TMEM132C: variants seen among roughly 807,000 people sequenced by gnomAD.
The protein encoded by TMEM132C is transmembrane protein 132C.
Under a neutral mutation model 61.4 loss-of-function variants are expected in TMEM132C, and 29 were observed. The observed-to-expected ratio is 0.47, with a 90% confidence interval of 0.35 to 0.64. The LOEUF (loss-of-function observed/expected upper bound fraction) is 0.64. TMEM132C is among the 30% of genes least tolerant of loss of function. The probability of loss-of-function intolerance (pLI) is 0.00; values close to 1 mark genes in which losing one functional copy is unlikely to be tolerated. For synonymous variants in TMEM132C, 656 were observed against 633.1 expected (o/e 1.04, Z -0.54); for missense variants, 1,408 against 1,476.9 (o/e 0.95, Z 0.76).
chr12:128,393,107 A>G lies in TMEM132C; in HGVS notation c.86-21625A>G, dbSNP rs190518436. 9.8e-5 allele frequency among the ~76,000 whole-genome samples: 15 copies of G among 152,340 alleles called. No homozygotes were observed. In the East Asian group the frequency reaches 2.3e-3, roughly 23 times the overall value. On this transcript the variant is annotated intron_variant, in intron 1 of 8. Transcript: ENST00000435159. ...CCTATCATGGCATGCAACTTGTCCT[A>G]AGCATCATTGCTTTAAAATAGTGCT...
At chr12:128,533,253 T>C (rs1873384665) in intron 2 of TMEM132C, among the ~76,000 whole-genome samples, 1 of 152,146 alleles carries the variant, frequency 6.6e-6, no homozygotes. Flanking sequence ...GTTGGTTAGC[T>C]CAGTGCAATG....
intron 4 of TMEM132C, among the ~76,000 whole-genome samples, chr12:128,657,150 G>A (rs1358846861): frequency 2.0e-5 from 3 of 152,064 alleles, no homozygotes; most frequent in Admixed American, 1.3e-4. Flanking sequence ...CCCCTCCTCC[G>A]TGATTTTGGC....
chr12:128,294,380 G>A (rs1220988987), intron 1 of TMEM132C, among the ~76,000 whole-genome samples: 1 of 152,298 alleles, frequency 6.6e-6, no homozygotes, highest in East Asian at 1.9e-4. Context: ...GACTCACACA[G>A]CAAGGTGGCC....
At chr12:128,701,852 G>A (rs545599216) in intron 8 of TMEM132C, among the ~76,000 whole-genome samples, 68 of 151,248 alleles carry the variant, frequency 4.5e-4, no homozygotes, top group Middle Eastern at 3.5e-3. Context: ...GAAATTCTAC[G>A]TGGCTCTTTG....
intron 2 of TMEM132C, among the ~76,000 whole-genome samples, chr12:128,442,202 T>C (rs1431001953): frequency 6.6e-6 from 1 of 152,094 alleles, no homozygotes; most frequent in East Asian, 1.9e-4. Flanking sequence ...CATCACTTGC[T>C]CCCTCCCCTC....
chr12:128,362,793 G>A (rs1019258586), intron 1 of TMEM132C, among the ~76,000 whole-genome samples: 11 of 152,206 alleles, frequency 7.2e-5, no homozygotes, highest in Non-Finnish European at 1.5e-4. Context: ...AAACAGTGCA[G>A]TGTTTTATGA....
chr12:128,377,459 T>G (rs1191518442), intron 1 of TMEM132C, among the ~76,000 whole-genome samples: 1 of 152,156 alleles, frequency 6.6e-6, no homozygotes, highest in Admixed American at 6.5e-5. Flanking sequence ...CACTGTCAGG[T>G]GGTGTTTTTC....
intron 2 of TMEM132C, among the ~76,000 whole-genome samples, chr12:128,445,065 G>T (rs1869931044): frequency 6.6e-6 from 1 of 152,130 alleles, no homozygotes; most frequent in African/African-American, 2.4e-5. Context: ...GAGTTAACCT[G>T]TATCTGGAAA....
intron 1 of TMEM132C, among the ~76,000 whole-genome samples, chr12:128,306,491 C>T (rs960411711): frequency 5.9e-5 from 9 of 152,146 alleles, no homozygotes; most frequent in Non-Finnish European, 1.2e-4. Context: ...CGTGAGCCAC[C>T]GCACCTGGCC....
At chr12:128,562,804 G>T (rs1874570649) in intron 3 of TMEM132C, among the ~76,000 whole-genome samples, 1 of 152,208 alleles carries the variant, frequency 6.6e-6, no homozygotes, top group African/African-American at 2.4e-5. Flanking sequence ...CAAATCCCTG[G>T]TTCATCAAGA....
intron 3 of TMEM132C, among the ~76,000 whole-genome samples, chr12:128,585,058 G>A (rs181444506): frequency 1.2e-4 from 18 of 152,338 alleles, no homozygotes; most frequent in Admixed American, 3.3e-4. Context: ...TGCTTCACTG[G>A]GGGCTACAAT....
At chr12:128,309,067 C>T (rs1871883582) in intron 1 of TMEM132C, among the ~76,000 whole-genome samples, 1 of 152,004 alleles carries the variant, frequency 6.6e-6, no homozygotes, top group African/African-American at 2.4e-5. Flanking sequence ...GGGTGGGGAT[C>T]AAGGTCCTCA....
At chr12:128,373,353 T>A (rs1178049236) in intron 1 of TMEM132C, among the ~76,000 whole-genome samples, 1 of 152,146 alleles carries the variant, frequency 6.6e-6, no homozygotes, top group Non-Finnish European at 1.5e-5. Flanking sequence ...TTGGCCAGAA[T>A]TGGATTGCCT....
At chr12:128,620,968 T>C (rs763017534) in intron 4 of TMEM132C, among the ~76,000 whole-genome samples, 9 of 152,078 alleles carry the variant, frequency 5.9e-5, no homozygotes, top group Non-Finnish European at 1.0e-4. Context: ...TGGGGTGTCA[T>C]AGAGATTCAT....
intron 1 of TMEM132C, among the ~76,000 whole-genome samples, chr12:128,301,950 TA>T (rs1176646159): frequency 1.3e-5 from 2 of 152,150 alleles, no homozygotes; most frequent in Non-Finnish European, 2.9e-5. Context: ...AAACCACTTA[TA>T]AAACCATCAG....
chr12:128,506,673 G>C (rs568017808), intron 2 of TMEM132C, among the ~76,000 whole-genome samples: 13 of 152,276 alleles, frequency 8.5e-5, no homozygotes, highest in African/African-American at 3.1e-4. Flanking sequence ...GCTGCTCTCT[G>C]CTTCTGTTGG....
intron 2 of TMEM132C, among the ~76,000 whole-genome samples, chr12:128,423,776 G>A (rs1869076419): frequency 6.6e-6 from 1 of 152,018 alleles, no homozygotes. Context: ...GCTCACACCT[G>A]TAATCCCAGA....
At chr12:128,373,109 G>A (rs1051155083) in intron 1 of TMEM132C, among the ~76,000 whole-genome samples, 3 of 152,158 alleles carry the variant, frequency 2.0e-5, no homozygotes, top group Non-Finnish European at 4.4e-5. Flanking sequence ...AGCTATCGGA[G>A]GAGGAACTCA....
At chr12:128,408,226 C>G (rs1868383153) in intron 1 of TMEM132C, among the ~76,000 whole-genome samples, 1 of 152,176 alleles carries the variant, frequency 6.6e-6, no homozygotes, top group Non-Finnish European at 1.5e-5. Flanking sequence ...CCCACTCCAT[C>G]TGTATTTTAT....
Sources: gnomAD v4.1 joint callset for allele counts (sites outside exome capture counted in the v4.1 genomes callset) on GRCh38, gnomAD v4.1.1 for gene constraint, MANE v1.5 for transcripts, NCBI Gene and HGNC (gene_info 2026-07-23, HGNC 2026-07-21) for gene names.